NEDD4: variants seen among roughly 807,000 people sequenced by gnomAD.
NEDD4 encodes the protein E3 ubiquitin-protein ligase NEDD4.
A neutral mutation model predicts 144.9 loss-of-function variants in NEDD4; 99 were observed. The ratio of observed to expected loss-of-function variants is 0.68; its 90% CI spans 0.58 to 0.81. The LOEUF is 0.81. Among genes scored for constraint, NEDD4 ranks in the 30% least tolerant of loss-of-function variants. The probability of loss-of-function intolerance (pLI) is 0.00; values close to 1 mark genes in which losing one functional copy is unlikely to be tolerated. For synonymous variants in NEDD4, 318 were observed against 350.6 expected (o/e 0.91, Z 1.04); for missense variants, 985 against 1,065.9 (o/e 0.92, Z 1.06).
intron 11 of NEDD4, among the ~76,000 whole-genome samples, chr15:55,858,032 G>A (rs1007488715): frequency 4.6e-5 from 7 of 152,068 alleles, no homozygotes; most frequent in African/African-American, 1.2e-4. Flanking sequence ...TTTAGTCCTC[G>A]AGTAAATTAT....
intron 1 of NEDD4, among the ~76,000 whole-genome samples, chr15:55,980,629 G>A (rs972408778): frequency 3.3e-5 from 5 of 152,196 alleles, no homozygotes; most frequent in East Asian, 1.9e-4. Context: ...AAAAGAGATC[G>A]AGTGAATTCT....
chr15:55,932,238 T>C (rs991271267), intron 4 of NEDD4, among the ~76,000 whole-genome samples: 3 of 152,206 alleles, frequency 2.0e-5, no homozygotes, highest in African/African-American at 7.2e-5. Context: ...AGAACAAAGC[T>C]GGAGGCATCA....
chr15:55,830,039 C>A, intron 28 of NEDD4, 40 bp from the exon 29 acceptor site: 1 of 1,412,838 alleles, frequency 7.1e-7, no homozygotes, highest in Non-Finnish European at 9.9e-7. Context: ...AAGACACTGA[C>A]AAAGCAAGTA....
In NEDD4 at chr15:55,986,989, T is replaced by G. The variant is rs534422561; in HGVS notation, c.45+6522A>C. On this transcript the variant is annotated intron_variant, in intron 1 of 28. Transcript: ENST00000435532. The stretch of plus-strand genomic sequence containing the variant: ...TATAGTCCTTTGGGTATATACCCAG[T>G]AATGGGATGGCTGGGTCAAATGGTA... Among the ~76,000 whole-genome samples the G allele has an allele frequency of 3.3e-3, 492 of 151,004 alleles. 1 individual carries two copies. The highest frequency in any genetic ancestry group is 0.011 in the African/African-American group (472 of 41,066).
intron 5 of NEDD4, among the ~76,000 whole-genome samples, chr15:55,878,752 G>T (rs1439601413): frequency 6.6e-6 from 1 of 152,244 alleles, no homozygotes; most frequent in Non-Finnish European, 1.5e-5. Context: ...GAATTACTCA[G>T]CGATGAAATG....
At chr15:55,835,963 GCCCTGTA>G (rs142989118) in intron 24 of NEDD4, among the ~76,000 whole-genome samples, 123 of 152,116 alleles carry the variant, frequency 8.1e-4, no homozygotes, top group Non-Finnish European at 1.6e-3. Context: ...TCACACACAG[GCCCTGTA>G]TAAGCTGGTC....
At chr15:55,929,039 G>A (rs2036730161) in intron 4 of NEDD4, among the ~76,000 whole-genome samples, 1 of 152,076 alleles carries the variant, frequency 6.6e-6, no homozygotes. Flanking sequence ...AAGATGAGAG[G>A]GCCATCAGCA....
intron 25 of NEDD4, 33 bp from the exon 26 acceptor site, chr15:55,834,178 A>G (rs371484519): frequency 2.5e-6 from 4 of 1,608,158 alleles, no homozygotes; most frequent in Non-Finnish European, 3.4e-6. Flanking sequence ...TAAACAAGGA[A>G]AATAATGGGT....
At chr15:55,949,710 C>A (rs140022527) in intron 4 of NEDD4, among the ~76,000 whole-genome samples, 4,399 of 152,098 alleles carry the variant, frequency 0.029, 73 homozygotes, top group Non-Finnish European at 0.035. Context: ...GACAAAAAAC[C>A]AAACACCTCA....
At chr15:55,973,934 A>G (rs2037657469) in intron 1 of NEDD4, among the ~76,000 whole-genome samples, 2 of 152,062 alleles carry the variant, frequency 1.3e-5, no homozygotes, top group African/African-American at 2.4e-5. Flanking sequence ...TAAAGATCAG[A>G]GCAGAAATAA....
intron 2 of NEDD4, among the ~76,000 whole-genome samples, chr15:55,956,312 G>T (rs1013915540): frequency 3.9e-5 from 6 of 152,070 alleles, no homozygotes; most frequent in Admixed American, 2.6e-4. Flanking sequence ...TTTTAATTGT[G>T]TTGAAGTTCC....
rs145647343 is a variant in NEDD4 at position 55,848,861 on chromosome 15, G to A, written c.1373C>T (p.Ala458Val). Residue 458 changes from alanine (A) to valine (V), a missense_variant, in exon 15 of 29, where the codon GCC becomes GTC. Physicochemically the swap from Ala to Val is moderately conservative, Grantham distance 64 (BLOSUM62 0). Coordinates refer to ENST00000435532, the MANE Select transcript of NEDD4 (RefSeq NM_006154.4). ...TWEDPRLKIP[A>V]HLRGKTSLDT... ...AAGTGATGTCTTTCCTCTCAGATGG[G>A]CTGGAATTTTCAATCTTGGATCTTC... is the stretch of plus-strand genomic sequence containing the variant. The A allele has an allele frequency of 2.4e-5, 38 of 1,613,580 alleles. No homozygotes were observed. The highest frequency in any genetic ancestry group is 3.1e-5 in the Non-Finnish European group (37 of 1,179,754).
Position 55,840,706 on chromosome 15 carries a change from T to C in NEDD4, c.1860A>G (p.Ile620Met). The C allele has an allele frequency of 3.7e-6, 6 of 1,613,878 alleles. No homozygotes were observed. Among genetic ancestry groups the C allele is most frequent in the Non-Finnish European group, 5.1e-6 (6 of 1,179,932 alleles). Reference sequence around the variant, plus strand: ...CGTTACACAATCCAGAGTTTGGATTTATCTGTAGGGTATAATTGTCCCTGT... The same window carrying C: ...CGTTACACAATCCAGAGTTTGGATTCATCTGTAGGGTATAATTGTCCCTGT... ...YSATDNYTLQ[I>M]NPNSGLCNED... The change falls in exon 20 of 29, where the codon ATA becomes ATG. Residue 620 changes from isoleucine to methionine, a missense_variant. Ile to Met is a conservative substitution (Grantham distance 10, BLOSUM62 1). Coordinates refer to ENST00000435532, the MANE Select transcript of NEDD4 (RefSeq NM_006154.4).
chr15:55,946,121 A>T (rs55959977), intron 4 of NEDD4, among the ~76,000 whole-genome samples: 20,438 of 152,148 alleles, frequency 0.13, 1,496 homozygotes, highest in East Asian at 0.32. Context: ...ACCAGTGAAC[A>T]TCATAATTAC....
At chr15:55,965,811 T>C (rs1359461041) in intron 2 of NEDD4, among the ~76,000 whole-genome samples, 1 of 151,990 alleles carries the variant, frequency 6.6e-6, no homozygotes, top group African/African-American at 2.4e-5. Flanking sequence ...AAGCGATTTC[T>C]GGATAATTTT....
chr15:55,906,710 A>T (rs112829629), intron 5 of NEDD4, among the ~76,000 whole-genome samples: 15,984 of 152,198 alleles, frequency 0.11, 932 homozygotes, highest in Admixed American at 0.15. Context: ...GCAGCACACC[A>T]ACATGGCACA....
At chr15:55,993,444 C>A (rs1487538853) in intron 1 of NEDD4, 67 bp downstream of exon 1, 1 of 1,562,032 alleles carries the variant, frequency 6.4e-7, no homozygotes, top group Non-Finnish European at 8.7e-7. Context: ...GCCGCCGCTA[C>A]CTCCCCGGGT....
chr15:55,837,301 G>A (rs1242449099), intron 24 of NEDD4, among the ~76,000 whole-genome samples: 1 of 151,882 alleles, frequency 6.6e-6, no homozygotes, highest in Non-Finnish European at 1.5e-5. Flanking sequence ...GTGGTGGCGG[G>A]CACCTGTAAT....
chr15:55,858,376 G>A (rs578200057), intron 11 of NEDD4, among the ~76,000 whole-genome samples: 18 of 151,892 alleles, frequency 1.2e-4, no homozygotes, highest in Admixed American at 1.2e-3. Context: ...GTGCAATCTC[G>A]GCTCACTGCA....
Sources: gnomAD v4.1 joint callset for allele counts (sites outside exome capture counted in the v4.1 genomes callset) on GRCh38, gnomAD v4.1.1 for gene constraint, MANE v1.5 for transcripts, NCBI Gene and HGNC (gene_info 2026-07-23, HGNC 2026-07-21) for gene names.